RNF216: variants seen among roughly 807,000 people sequenced by gnomAD.
RNF216 encodes E3 ubiquitin-protein ligase RNF216.
RNF216 carries 72 observed loss-of-function variants against 110.8 expected under a neutral mutation model. The observed-to-expected ratio is 0.65, with a 90% confidence interval of 0.54 to 0.79. The LOEUF is 0.79. RNF216 is among the 30% of genes least tolerant of loss of function. RNF216 has a pLI of 0.00. For synonymous variants in RNF216, 495 were observed against 407.5 expected (o/e 1.21, Z -2.59); for missense variants, 1,342 against 1,141.2 (o/e 1.18, Z -2.54).
chr7:5,767,781 T>C, intron 1 of RNF216, among the ~76,000 whole-genome samples: 1 of 152,108 alleles, frequency 6.6e-6, no homozygotes, highest in Non-Finnish European at 1.5e-5. Context: ...GTATTTTTAG[T>C]AAAGAGGAGA....
At chr7:5,757,000 T>C (rs1795679087) in intron 2 of RNF216, among the ~76,000 whole-genome samples, 1 of 152,228 alleles carries the variant, frequency 6.6e-6, no homozygotes, top group Admixed American at 6.5e-5. Flanking sequence ...TGGCATTACA[T>C]GTATCTCATA....
chr7:5,764,904 C>CA (rs1203121934), intron 1 of RNF216, among the ~76,000 whole-genome samples: 2 of 151,602 alleles, frequency 1.3e-5, no homozygotes, highest in African/African-American at 4.8e-5. Context: ...CCCATCTCTA[C>CA]AAAAAACTGA....
intron 13 of RNF216, among the ~76,000 whole-genome samples, chr7:5,657,902 AAG>A (rs1788845349): frequency 1.3e-5 from 2 of 152,212 alleles, no homozygotes; most frequent in South Asian, 4.1e-4. Context: ...AAGGGAATCC[AAG>A]AACCTCTATT....
intron 1 of RNF216, among the ~76,000 whole-genome samples, chr7:5,772,128 G>C (rs1382533992): frequency 1.3e-5 from 2 of 152,128 alleles, no homozygotes; most frequent in Non-Finnish European, 2.9e-5. Flanking sequence ...AGCTACTCAG[G>C]ACGCTGAGGC....
At chr7:5,671,214 C>T (rs1442713417) in intron 13 of RNF216, among the ~76,000 whole-genome samples, 1 of 152,200 alleles carries the variant, frequency 6.6e-6, no homozygotes, top group African/African-American at 2.4e-5. Flanking sequence ...CTGATGAACA[C>T]AGAGGGGACC....
chr7:5,747,163 C>T (rs901901242), intron 3 of RNF216, among the ~76,000 whole-genome samples: 16 of 152,182 alleles, frequency 1.1e-4, no homozygotes, highest in African/African-American at 3.9e-4. Context: ...TAAAACAGAA[C>T]AACCTGAAAA....
chr7:5,632,611 T>C (rs780644017), intron 15 of RNF216, among the ~76,000 whole-genome samples: 1 of 152,138 alleles, frequency 6.6e-6, no homozygotes, highest in Non-Finnish European at 1.5e-5. Flanking sequence ...ACCCCATCTC[T>C]ACTAAAAATA....
At chr7:5,740,823 T>C (rs1460253203) in intron 4 of RNF216, 150 bp downstream of exon 4, 1 of 662,928 alleles carries the variant, frequency 1.5e-6, no homozygotes, top group Non-Finnish European at 2.3e-6. Context: ...GTCTTCAGAG[T>C]GTCTCTTCTA....
intron 13 of RNF216, among the ~76,000 whole-genome samples, chr7:5,701,705 G>A (rs1791982784): frequency 6.6e-6 from 1 of 152,172 alleles, no homozygotes; most frequent in Non-Finnish European, 1.5e-5. Context: ...TAACCACTGA[G>A]CTATACCGTT....
chr7:5,667,896 T>C (rs1164718747), intron 13 of RNF216, among the ~76,000 whole-genome samples: 1 of 152,146 alleles, frequency 6.6e-6, no homozygotes, highest in East Asian at 1.9e-4. Flanking sequence ...GGTCTGGGCA[T>C]GGGATGGGAA....
intron 1 of RNF216, among the ~76,000 whole-genome samples, chr7:5,772,413 A>C (rs982637340): frequency 2.6e-5 from 4 of 152,116 alleles, no homozygotes; most frequent in Non-Finnish European, 5.9e-5. Flanking sequence ...AATTACTATA[A>C]ACACAAGATT....
At chr7:5,739,502 T>G (rs1794628748) in intron 4 of RNF216, 150 bp from the exon 5 acceptor site, 1 of 760,872 alleles carries the variant, frequency 1.3e-6, no homozygotes, top group Non-Finnish European at 2.3e-6. Flanking sequence ...AATTCAACAC[T>G]AGTTCCCAGA....
chr7:5,736,447 A>T lies in RNF216; in HGVS notation c.1121+2829T>A, dbSNP rs1258259635. On this transcript the variant is annotated intron_variant, in intron 5 of 16. Transcript: ENST00000389902. ...CTCAGTGTTGCCCAGGCTGCAGTGCAGTGGCGCGATCTCGGCTCGCTACAA... is the reference window on the plus strand; with the variant it reads ...CTCAGTGTTGCCCAGGCTGCAGTGCTGTGGCGCGATCTCGGCTCGCTACAA... Among the ~76,000 whole-genome samples the T allele has an allele frequency of 2.0e-5, 3 of 152,154 alleles. No homozygotes were observed. In the South Asian group the frequency reaches 6.2e-4, roughly 32 times the overall value.
intron 3 of RNF216, among the ~76,000 whole-genome samples, chr7:5,744,717 A>T (rs1031932587): frequency 6.6e-6 from 1 of 152,238 alleles, no homozygotes; most frequent in African/African-American, 2.4e-5. Context: ...TTATGCCTAT[A>T]ATCCCAGCAC....
intron 13 of RNF216, among the ~76,000 whole-genome samples, chr7:5,663,678 G>A (rs1017036471): frequency 6.6e-6 from 1 of 150,526 alleles, no homozygotes; most frequent in African/African-American, 2.4e-5. Context: ...AGGCGGGCAG[G>A]TCACGAGGTC....
rs73064649 is a variant in RNF216, at chr7:5,735,386, T to G, written c.1121+3890A>C. Among the ~76,000 whole-genome samples the G allele has an allele frequency of 3.1e-3, 468 of 152,142 alleles. 3 individuals carry two copies. Among genetic ancestry groups the G allele is most frequent in the Non-Finnish European group, 5.0e-3 (338 of 68,000 alleles). On this transcript the variant is annotated intron_variant, in intron 5 of 16. Transcript: ENST00000389902. ...AGAACAGAATATGATTCCCAAGAACTTAACATATCAGAACAATCAAACTCA... is the reference window on the plus strand; with the variant it reads ...AGAACAGAATATGATTCCCAAGAACGTAACATATCAGAACAATCAAACTCA...
chr7:5,700,122 T>C (rs1190821340), intron 13 of RNF216, among the ~76,000 whole-genome samples: 6 of 152,162 alleles, frequency 3.9e-5, no homozygotes, highest in Non-Finnish European at 8.8e-5. Context: ...GGGGGTGTTT[T>C]CATGCTTGCG....
At chr7:5,675,164 C>G (rs952019009) in intron 13 of RNF216, among the ~76,000 whole-genome samples, 1 of 152,158 alleles carries the variant, frequency 6.6e-6, no homozygotes, top group African/African-American at 2.4e-5. Context: ...TTCTGGAACG[C>G]TCAAATAAGG....
intron 15 of RNF216, among the ~76,000 whole-genome samples, chr7:5,632,488 G>C (rs573651000): frequency 1.3e-5 from 2 of 152,346 alleles, no homozygotes; most frequent in South Asian, 2.1e-4. Context: ...GGTGTCCCTG[G>C]ATCAGCAAGG....
Sources: allele counts gnomAD v4.1 joint callset (sites outside exome capture counted in the v4.1 genomes callset), GRCh38; gene constraint gnomAD v4.1.1; transcripts MANE v1.5; gene names NCBI Gene and HGNC (gene_info 2026-07-23, HGNC 2026-07-21).